Variants in NOSTRIN observed in about 807,000 individuals in gnomAD.
NOSTRIN encodes nitric oxide synthase trafficking.
In NOSTRIN, 63 loss-of-function variants were observed where a neutral mutation model predicts 59.0. The ratio of observed to expected loss-of-function variants is 1.07; its 90% CI spans 0.87 to 1.32. The LOEUF (loss-of-function observed/expected upper bound fraction) is 1.32, where lower values mean the gene tolerates loss of function less well. Among genes scored for constraint, NOSTRIN ranks in the 40% most tolerant of loss-of-function variants. The pLI, the probability that NOSTRIN is intolerant of heterozygous loss-of-function variation, is 0.00. For missense variants in NOSTRIN, 512 were observed against 473.1 expected, an observed-to-expected ratio of 1.08 and a Z score of -0.76; for synonymous variants, 200 against 165.4, an observed-to-expected ratio of 1.21 and a Z score of -1.61.
In NOSTRIN at chr2:168,856,897, T is replaced by C. The variant is rs369421257; in HGVS notation, c.1053+119T>C. The C allele has an allele frequency of 1.4e-5, 12 of 849,606 alleles. No individual in the cohort carries two copies. The African/African-American group carries it at 1.7e-4, about 12-fold the overall frequency. The allele number at this position is 849,606 out of a possible 1,614,324, so 52.6% of individuals were successfully genotyped here. On this transcript the variant is annotated intron_variant, in intron 12 of 15. Transcript: ENST00000317647. ...TCCTTTCTCATGACATAGAACAATCTAGTGGGGGAGCTTATAGGGTCAGCT... is the reference window on the plus strand; with the variant it reads ...TCCTTTCTCATGACATAGAACAATCCAGTGGGGGAGCTTATAGGGTCAGCT...
intron 2 of NOSTRIN, among the ~76,000 whole-genome samples, chr2:168,822,455 T>TAATTTGTGTGAAAACACGCAGGTATTAG (rs1686801007): frequency 1.3e-5 from 2 of 152,214 alleles, no homozygotes; most frequent in African/African-American, 4.8e-5. Context: ...GCCACGGAGT[T>TAATTTGTGTGAAAACACGCAGGTATTAG]AATTTGTGTG....
intron 14 of NOSTRIN, among the ~76,000 whole-genome samples, chr2:168,861,599 T>C (rs185759635): frequency 2.6e-5 from 4 of 152,310 alleles, no homozygotes; most frequent in Admixed American, 2.6e-4. Flanking sequence ...GGGATGATGA[T>C]AACATGCACA....
chr2:168,859,258 AT>A (rs1689296135), intron 12 of NOSTRIN: 1 of 363,326 alleles, frequency 2.8e-6, no homozygotes, highest in Non-Finnish European at 4.9e-6. Flanking sequence ...TAAAATACTA[AT>A]ATATTACCAA....
upstream of NOSTRIN, among the ~76,000 whole-genome samples, chr2:168,797,720 G>C (rs572153754): frequency 2.0e-5 from 3 of 150,060 alleles, no homozygotes; most frequent in South Asian, 6.3e-4. Flanking sequence ...GTTCACTTCT[G>C]TAATCCCAGC....
At chr2:168,815,659 A>G (rs1686355578) in intron 2 of NOSTRIN, among the ~76,000 whole-genome samples, 1 of 152,138 alleles carries the variant, frequency 6.6e-6, no homozygotes, top group Non-Finnish European at 1.5e-5. Flanking sequence ...AAAATAATCT[A>G]CTCTACCATC....
upstream of NOSTRIN, chr2:168,798,112 T>C: frequency 6.6e-6 from 1 of 152,342 alleles, no homozygotes; most frequent in East Asian, 1.9e-4. Context: ...TACTTATTTG[T>C]ATTTTTATTG....
intron 1 of NOSTRIN, among the ~76,000 whole-genome samples, chr2:168,809,838 T>G (rs912163043): frequency 2.0e-5 from 3 of 151,812 alleles, no homozygotes; most frequent in African/African-American, 7.2e-5. Context: ...TGCCAAATAG[T>G]GATTTTACTT....
At chr2:168,854,375 T>C (rs1447394018) in intron 10 of NOSTRIN, among the ~76,000 whole-genome samples, 1 of 152,156 alleles carries the variant, frequency 6.6e-6, no homozygotes, top group Non-Finnish European at 1.5e-5. Flanking sequence ...CCCTCCCACC[T>C]TGAGTCATTA....
chr2:168,828,102 C>G, intron 3 of NOSTRIN, 56 bp from the exon 4 acceptor site: 1 of 866,144 alleles, frequency 1.2e-6, no homozygotes, highest in African/African-American at 1.6e-5. Flanking sequence ...GCCAGCACAT[C>G]CTATTTCCTA....
intron 8 of NOSTRIN, among the ~76,000 whole-genome samples, chr2:168,845,733 G>A (rs1316889788): frequency 1.3e-5 from 2 of 150,956 alleles, no homozygotes; most frequent in African/African-American, 4.9e-5. Context: ...ATTTCAAAAG[G>A]CATCTTTCAA....
chr2:168,854,396 T>C (rs1218107463), intron 10 of NOSTRIN, among the ~76,000 whole-genome samples: 1 of 152,162 alleles, frequency 6.6e-6, no homozygotes, highest in Non-Finnish European at 1.5e-5. Context: ...GTTTCCCGTC[T>C]TTCTCCATGG....
upstream of NOSTRIN, among the ~76,000 whole-genome samples, chr2:168,795,437 C>T (rs1030164492): frequency 6.6e-6 from 1 of 152,204 alleles, no homozygotes; most frequent in Non-Finnish European, 1.5e-5. Flanking sequence ...AGCCATAGAT[C>T]ACAGCTATAG....
At chr2:168,814,838 G>T (rs1686317474) in intron 2 of NOSTRIN, among the ~76,000 whole-genome samples, 1 of 152,204 alleles carries the variant, frequency 6.6e-6, no homozygotes, top group Admixed American at 6.5e-5. Context: ...GGCCAAGATG[G>T]GAGGATTGCT....
intron 2 of NOSTRIN, among the ~76,000 whole-genome samples, chr2:168,819,182 T>C (rs553879662): frequency 6.6e-6 from 1 of 152,280 alleles, no homozygotes; most frequent in Non-Finnish European, 1.5e-5. Context: ...TTGCATGTGG[T>C]ACTTTTTCAG....
rs1323079870 is a variant in NOSTRIN, at chr2:168,865,000, C to A, written c.*30C>A. 1 of 1,611,312 alleles carries A rather than the reference C, an allele frequency of 6.2e-7. No homozygotes were observed. The highest frequency in any genetic ancestry group is 1.7e-5 in the Admixed American group (1 of 59,820). On this transcript the variant is annotated 3_prime_UTR_variant, in exon 16 of 16. Coordinates refer to ENST00000317647, the MANE Select transcript of NOSTRIN (RefSeq NM_001039724.4). ...AGACTCTGAACATACTACCTTCACACTCGGTAATCAACAATACAGTGTGGT... is the reference window on the plus strand; with the variant it reads ...AGACTCTGAACATACTACCTTCACAATCGGTAATCAACAATACAGTGTGGT...
chr2:168,802,574 A>G (rs1685649444), upstream of NOSTRIN: 1 of 844,580 alleles, frequency 1.2e-6, no homozygotes, highest in Non-Finnish European at 2.0e-6. Flanking sequence ...AGTCCAGGAC[A>G]CACCCAACCT....
intron 5 of NOSTRIN, 47 bp downstream of exon 5, chr2:168,828,548 T>C (rs1230474036): frequency 3.9e-6 from 3 of 763,200 alleles, no homozygotes; most frequent in Non-Finnish European, 6.7e-6. Flanking sequence ...GCAAGATTCC[T>C]GTGTTTAGCC....
chr2:168,862,009 T>C lies in NOSTRIN; in HGVS notation c.1344T>C (p.Ser448=), dbSNP rs778947014. ...LSSRLCKALY[S]FQARQDDELN... ...GCAGACTTTGCAAGGCCTTGTATTC[T>C]TTTCAAGCCAGGCAAGATGATGAGT... The change falls in exon 15 of 16, where the codon TCT becomes TCC. Residue 448 remains serine, a synonymous_variant. Transcript: ENST00000317647. 6 of 1,614,212 alleles carry C rather than the reference T, an allele frequency of 3.7e-6. No individual in the cohort carries two copies. In the South Asian group the frequency reaches 6.6e-5, roughly 18 times the overall value.
chr2:168,839,529 G>T (rs552457572), intron 7 of NOSTRIN, among the ~76,000 whole-genome samples: 49 of 152,202 alleles, frequency 3.2e-4, no homozygotes, highest in African/African-American at 8.9e-4. Context: ...TGCGATGTTT[G>T]TTCCAAGAGC....
Sources: gnomAD v4.1 joint callset for allele counts (sites outside exome capture counted in the v4.1 genomes callset) on GRCh38, gnomAD v4.1.1 for gene constraint, MANE v1.5 for transcripts, NCBI Gene and HGNC (gene_info 2026-07-23, HGNC 2026-07-21) for gene names.